Variants in RERE observed in about 807,000 individuals in gnomAD.
RERE encodes the protein arginine-glutamic acid dipeptide repeats.
A neutral mutation model predicts 146.1 loss-of-function variants in RERE; 40 were observed. That is an observed-to-expected ratio of 0.27 (90% CI 0.21 to 0.36). The LOEUF (loss-of-function observed/expected upper bound fraction) is 0.36, where lower values mean the gene tolerates loss of function less well. RERE is among the 10% of genes least tolerant of loss of function. The pLI is 1.00. For synonymous variants in RERE, 1,003 were observed against 866.0 expected, an observed-to-expected ratio of 1.16 and a Z score of -2.78; for missense variants, 1,933 against 2,138.7, an observed-to-expected ratio of 0.90 and a Z score of 1.90.
chr1:8,395,852 T>C (rs1455387298), intron 12 of RERE, among the ~76,000 whole-genome samples: 2 of 152,110 alleles, frequency 1.3e-5, no homozygotes, highest in Non-Finnish European at 2.9e-5. Flanking sequence ...TTGTGATGTT[T>C]GCAGAGAATT....
chr1:8,633,478 A>ACACACAC (rs1557446646), intron 2 of RERE, among the ~76,000 whole-genome samples: 10 of 149,378 alleles, frequency 6.7e-5, no homozygotes, highest in African/African-American at 2.2e-4. Context: ...CACACACACA[A>ACACACAC]AAATGTACTT....
intron 2 of RERE, among the ~76,000 whole-genome samples, chr1:8,651,818 G>T (rs2124320375): frequency 1.3e-5 from 2 of 151,820 alleles, no homozygotes; most frequent in Middle Eastern, 3.4e-3. Flanking sequence ...TGGTTTTTTT[G>T]GTTTTGTTTT....
chr1:8,669,837 T>C (rs1456878009), intron 1 of RERE, among the ~76,000 whole-genome samples: 1 of 152,220 alleles, frequency 6.6e-6, no homozygotes, highest in African/African-American at 2.4e-5. Flanking sequence ...ACATAAGCTC[T>C]CAGCGTGTGA....
intron 3 of RERE, among the ~76,000 whole-genome samples, chr1:8,620,906 G>A (rs904146517): frequency 4.0e-5 from 6 of 151,812 alleles, no homozygotes; most frequent in African/African-American, 1.5e-4. Flanking sequence ...CTAAGAGAAT[G>A]AAAGCTTCCT....
At chr1:8,486,984 T>A (rs1043984802) in intron 10 of RERE, among the ~76,000 whole-genome samples, 2 of 152,092 alleles carry the variant, frequency 1.3e-5, no homozygotes, top group African/African-American at 4.8e-5. Flanking sequence ...AACTCCTTAT[T>A]ACAAAGAAGG....
At chr1:8,383,730 G>A (rs1165210739) in intron 12 of RERE, among the ~76,000 whole-genome samples, 6 of 151,962 alleles carry the variant, frequency 3.9e-5, no homozygotes, top group South Asian at 2.1e-4. Context: ...GTGGTGGCAC[G>A]CACCTGTACT....
In RERE at chr1:8,607,534, C is replaced by CTTTTTTTTTTTT. The variant is rs1167501074; in HGVS notation, c.522+7015_522+7026dup. On this transcript the variant is annotated intron_variant, in intron 4 of 22. Transcript: ENST00000400908. ...CGCATATTTGTTTTTATATATATTT[C>CTTTTTTTTTTTT]TTTTTTTTTTTTTTTTTTTTTTTTT... Among the ~76,000 whole-genome samples, 270 of 48,572 alleles carry CTTTTTTTTTTTT rather than the reference C, an allele frequency of 5.6e-3. 57 individuals are homozygous for CTTTTTTTTTTTT. Among genetic ancestry groups the CTTTTTTTTTTTT allele is most frequent in the East Asian group, 0.016 (18 of 1,158 alleles). The allele number at this position is 48,572 out of a possible 152,430, so 31.9% of individuals were successfully genotyped here.
chr1:8,738,410 T>TCCTGA (rs1640242455), intron 1 of RERE, among the ~76,000 whole-genome samples: 1 of 152,020 alleles, frequency 6.6e-6, no homozygotes, highest in African/African-American at 2.4e-5. Flanking sequence ...GGTCTCAAAC[T>TCCTGA]CCTGACCTCA....
intron 9 of RERE, 43 bp downstream of exon 9, chr1:8,497,362 A>G (rs1474178847): frequency 6.2e-7 from 1 of 1,611,032 alleles, no homozygotes; most frequent in Non-Finnish European, 8.5e-7. Flanking sequence ...ATCAGTTCAG[A>G]TGGTCTAATT....
At chr1:8,668,133 T>C (rs1420483022) in intron 1 of RERE, among the ~76,000 whole-genome samples, 1 of 152,274 alleles carries the variant, frequency 6.6e-6, no homozygotes, top group African/African-American at 2.4e-5. Context: ...TGTTGCTTCA[T>C]GCAAAATTAT....
intron 1 of RERE, among the ~76,000 whole-genome samples, chr1:8,767,688 A>C (rs1434412017): frequency 6.6e-6 from 1 of 151,738 alleles, no homozygotes; most frequent in East Asian, 1.9e-4. Context: ...TTATTAAAAA[A>C]AATTAAAAAT....
intron 7 of RERE, among the ~76,000 whole-genome samples, chr1:8,537,574 G>A (rs1041568785): frequency 3.3e-5 from 5 of 152,184 alleles, no homozygotes; most frequent in Non-Finnish European, 5.9e-5. Flanking sequence ...TAAGATAAGA[G>A]AGTATGGATC....
At chr1:8,672,653 C>T (rs1638743837) in intron 1 of RERE, among the ~76,000 whole-genome samples, 1 of 152,198 alleles carries the variant, frequency 6.6e-6, no homozygotes, top group African/African-American at 2.4e-5. Flanking sequence ...TGGCGCATAC[C>T]TTCAAAAATG....
At chr1:8,478,466 A>T (rs1285654706) in intron 10 of RERE, among the ~76,000 whole-genome samples, 1 of 152,192 alleles carries the variant, frequency 6.6e-6, no homozygotes, top group Non-Finnish European at 1.5e-5. Flanking sequence ...CCCAACAAAT[A>T]CCAGGTGTGG....
chr1:8,707,225 C>G (rs1378426442), intron 1 of RERE, among the ~76,000 whole-genome samples: 1 of 152,240 alleles, frequency 6.6e-6, no homozygotes, highest in Non-Finnish European at 1.5e-5. Flanking sequence ...CTATATTCTA[C>G]AGGCCTCAGC....
In RERE at chr1:8,352,431, T is replaced by C. The variant is rs1430265019; in HGVS notation, c.*2656A>G. 2.6e-5 allele frequency: 4 copies of C among 152,424 alleles called. No homozygotes were observed. The highest frequency in any genetic ancestry group is 9.7e-5 in the African/African-American group (4 of 41,438). 9.4% of individuals were successfully genotyped at this position (152,424 alleles called of 1,614,324 possible). ...GTAGTGTAGCTTGGTTTTATTTATGTCCACAAATATTTCAAAAAAATTACA... is the reference window on the plus strand; with the variant it reads ...GTAGTGTAGCTTGGTTTTATTTATGCCCACAAATATTTCAAAAAAATTACA... On this transcript the variant is annotated 3_prime_UTR_variant, in exon 23 of 23. Transcript: ENST00000400908.
At chr1:8,439,745 A>AAC (rs1644221387) in intron 11 of RERE, among the ~76,000 whole-genome samples, 1 of 152,204 alleles carries the variant, frequency 6.6e-6, no homozygotes, top group Non-Finnish European at 1.5e-5. Flanking sequence ...GCAGGACAAT[A>AAC]ACAGGTCTGA....
At chr1:8,715,395 G>A (rs1038857629) in intron 1 of RERE, among the ~76,000 whole-genome samples, 3 of 151,456 alleles carry the variant, frequency 2.0e-5, no homozygotes, top group South Asian at 2.1e-4. Context: ...CCTGTAATCC[G>A]TGCTACTGGG....
chr1:8,432,869 T>C (rs978126482), intron 11 of RERE, among the ~76,000 whole-genome samples: 4 of 152,236 alleles, frequency 2.6e-5, no homozygotes, highest in African/African-American at 7.2e-5. Flanking sequence ...TAAAATGGGA[T>C]TGATTACTTG....
Sources: gnomAD v4.1 joint callset for allele counts (sites outside exome capture counted in the v4.1 genomes callset) on GRCh38, gnomAD v4.1.1 for gene constraint, MANE v1.5 for transcripts, NCBI Gene and HGNC (gene_info 2026-07-23, HGNC 2026-07-21) for gene names.